Variants in EPB41L4A observed in about 807,000 individuals in gnomAD.
The protein encoded by EPB41L4A is erythrocyte membrane protein band 4.1 like 4A, also known as band 4.1-like protein 4A.
In EPB41L4A, 100 loss-of-function variants were observed where a neutral mutation model predicts 108.6. That is an observed-to-expected ratio of 0.92 (90% CI 0.78 to 1.09). EPB41L4A has a LOEUF of 1.09. Ranked by LOEUF, EPB41L4A falls within the 50% of genes least tolerant of loss-of-function variation. The pLI is 0.00. For synonymous variants in EPB41L4A, 319 were observed against 289.0 expected (o/e 1.10, Z -1.05); for missense variants, 1,030 against 842.7 (o/e 1.22, Z -2.75).
chr5:112,290,381 T>C (rs573194842), intron 2 of EPB41L4A, among the ~76,000 whole-genome samples: 2 of 152,316 alleles, frequency 1.3e-5, no homozygotes, highest in East Asian at 3.9e-4. Flanking sequence ...TGCCCTACAG[T>C]TGCATCTAAT....
intron 1 of EPB41L4A, among the ~76,000 whole-genome samples, chr5:112,362,541 A>T (rs1384065894): frequency 6.6e-6 from 1 of 152,150 alleles, no homozygotes; most frequent in Non-Finnish European, 1.5e-5. Flanking sequence ...TCAGCCTCCC[A>T]AAGTGCTGGG....
chr5:112,404,134 A>T (rs1242512881), intron 1 of EPB41L4A, among the ~76,000 whole-genome samples: 1 of 152,160 alleles, frequency 6.6e-6, no homozygotes, highest in African/African-American at 2.4e-5. Context: ...TTCTGTCATG[A>T]TTTCACCTCC....
intron 1 of EPB41L4A, among the ~76,000 whole-genome samples, chr5:112,372,504 G>C (rs958376839): frequency 6.6e-6 from 1 of 152,162 alleles, no homozygotes; most frequent in Non-Finnish European, 1.5e-5. Context: ...GCTGAACTGA[G>C]AGCACTAATC....
chr5:112,396,589 A>G (rs887526178), intron 1 of EPB41L4A, among the ~76,000 whole-genome samples: 4 of 152,338 alleles, frequency 2.6e-5, no homozygotes, highest in Admixed American at 6.5e-5. Flanking sequence ...TCAGAGTATC[A>G]GCCAGGGCTG....
intron 14 of EPB41L4A, chr5:112,204,712 T>C: frequency 5.2e-6 from 2 of 387,084 alleles, no homozygotes; most frequent in Non-Finnish European, 9.6e-6. Flanking sequence ...TTTGTCTCAC[T>C]AGCCTTCAGT....
intron 7 of EPB41L4A, among the ~76,000 whole-genome samples, chr5:112,261,047 T>C (rs1037931527): frequency 3.5e-5 from 5 of 143,994 alleles, no homozygotes; most frequent in Non-Finnish European, 5.9e-5. Flanking sequence ...TATGGAAAGT[T>C]TTCTTTTAAA....
intron 12 of EPB41L4A, among the ~76,000 whole-genome samples, chr5:112,222,334 G>C (rs762230509): frequency 6.6e-6 from 1 of 152,136 alleles, no homozygotes; most frequent in Non-Finnish European, 1.5e-5. Flanking sequence ...AAAGACCTGG[G>C]TTAGGATCCT....
intron 1 of EPB41L4A, among the ~76,000 whole-genome samples, chr5:112,324,905 A>C (rs1321194992): frequency 6.6e-6 from 1 of 152,162 alleles, no homozygotes; most frequent in East Asian, 1.9e-4. Flanking sequence ...TATGATACTA[A>C]ATGTGTGGTA....
At chr5:112,182,555 T>C (rs936807699) in intron 18 of EPB41L4A, among the ~76,000 whole-genome samples, 2 of 152,228 alleles carry the variant, frequency 1.3e-5, no homozygotes, top group African/African-American at 4.8e-5. Flanking sequence ...TGGCATTTAA[T>C]TGAACTCAGA....
rs1752543344 is a variant in EPB41L4A at position 112,275,212 on chromosome 5, C to CA, written c.335+113dup. On this transcript the variant is annotated intron_variant, in intron 4 of 22. Transcript: ENST00000261486. ...TTTTACCCTCTAAGGAGATGCGTTACAAAATGCAGGTAGACACACATCCAA... is the reference window on the plus strand; with the variant it reads ...TTTTACCCTCTAAGGAGATGCGTTACAAAAATGCAGGTAGACACACATCCAA... The CA allele has an allele frequency of 7.6e-6, 10 of 1,309,710 alleles. 1 individual carries two copies. Among genetic ancestry groups the CA allele is most frequent in the Non-Finnish European group, 8.2e-6 (8 of 975,634 alleles). 81.1% of individuals were successfully genotyped at this position (1,309,710 alleles called of 1,614,324 possible).
At chr5:112,362,256 C>A (rs999888219) in intron 1 of EPB41L4A, among the ~76,000 whole-genome samples, 1 of 150,770 alleles carries the variant, frequency 6.6e-6, no homozygotes, top group Non-Finnish European at 1.5e-5. Flanking sequence ...AGGCTCATGC[C>A]ACCATGCCCA....
intron 12 of EPB41L4A, among the ~76,000 whole-genome samples, chr5:112,213,850 T>C (rs1007066354): frequency 6.6e-6 from 1 of 152,202 alleles, no homozygotes; most frequent in Non-Finnish European, 1.5e-5. Context: ...ATGCCTTCAT[T>C]AGGCAATATG....
intron 2 of EPB41L4A, among the ~76,000 whole-genome samples, chr5:112,280,607 T>C (rs553556391): frequency 2.8e-4 from 42 of 152,260 alleles, no homozygotes; most frequent in African/African-American, 9.4e-4. Context: ...CTGGCCAATA[T>C]GGCATGACCC....
chr5:112,164,852 G>C lies in EPB41L4A; in HGVS notation c.*138C>G. On this transcript the variant is annotated 3_prime_UTR_variant, in exon 23 of 23. Coordinates refer to ENST00000261486, the MANE Select transcript of EPB41L4A (RefSeq NM_022140.5). ...ATCTCAAAAAAAAAAAAAAAAAGAA[G>C]CAAAAGATAATGTATTTTCTCATGC... The C allele has an allele frequency of 1.1e-6, 1 of 872,632 alleles. No individual in the cohort carries two copies. The highest frequency in any genetic ancestry group is 1.6e-6 in the Non-Finnish European group (1 of 618,562). 54.1% of individuals were successfully genotyped at this position (872,632 alleles called of 1,614,324 possible). A position where few individuals can be genotyped will look rare whatever the true frequency, so the allele number is the denominator to read the frequency against.
intron 13 of EPB41L4A, chr5:112,206,837 T>A (rs548525483): frequency 7.2e-5 from 11 of 152,322 alleles, no homozygotes; most frequent in African/African-American, 2.6e-4. Flanking sequence ...GCAAAGGGGA[T>A]TGAAAAATAT....
chr5:112,283,902 G>A (rs1041036158), intron 2 of EPB41L4A, among the ~76,000 whole-genome samples: 2 of 152,006 alleles, frequency 1.3e-5, no homozygotes, highest in African/African-American at 4.8e-5. Flanking sequence ...AGTATACAAT[G>A]GCTTTACTAA....
At chr5:112,153,340 C>T (rs1460708313) in intron 12 of EPB41L4A, among the ~76,000 whole-genome samples, 1 of 151,606 alleles carries the variant, frequency 6.6e-6, no homozygotes, top group Admixed American at 6.6e-5. Flanking sequence ...CCTGGCCAAC[C>T]AACATGGCAA....
chr5:112,214,521 T>C (rs1226613288), intron 12 of EPB41L4A, among the ~76,000 whole-genome samples: 1 of 152,100 alleles, frequency 6.6e-6, no homozygotes, highest in East Asian at 1.9e-4. Context: ...CCCAGCACTT[T>C]GGGAGGCCGA....
rs201656490 is a variant in EPB41L4A at position 112,242,411 on chromosome 5, G to A, written c.796-1601C>T. Reference sequence around the variant, plus strand: ...TCCTTATTCCTTCAAGTTTTATCATGGGATTGCAGCAATTAAGTTATACCA... The same window carrying A: ...TCCTTATTCCTTCAAGTTTTATCATAGGATTGCAGCAATTAAGTTATACCA... On this transcript the variant is annotated intron_variant, in intron 9 of 22. Transcript: ENST00000261486. Among the ~76,000 whole-genome samples the A allele has an allele frequency of 8.5e-5, 13 of 152,270 alleles. No homozygotes were observed. In the East Asian group the frequency reaches 2.3e-3, roughly 27 times the overall value.
Sources: gnomAD v4.1 joint callset for allele counts (sites outside exome capture counted in the v4.1 genomes callset) on GRCh38, gnomAD v4.1.1 for gene constraint, MANE v1.5 for transcripts, NCBI Gene and HGNC (gene_info 2026-07-23, HGNC 2026-07-21) for gene names.